Variants in ASTN1 observed in about 807,000 individuals in gnomAD.
The protein encoded by ASTN1 is astrotactin 1.
ASTN1 carries 41 observed loss-of-function variants against 140.7 expected under a neutral mutation model. The observed-to-expected ratio is 0.29, with a 90% CI of 0.23 to 0.38. The LOEUF (loss-of-function observed/expected upper bound fraction) is 0.38. Among genes scored for constraint, ASTN1 ranks in the 10% least tolerant of loss-of-function variants. The pLI is 1.00. For synonymous variants in ASTN1, 640 were observed against 652.2 expected, an observed-to-expected ratio of 0.98 and a Z score of 0.29; for missense variants, 1,479 against 1,678.8, an observed-to-expected ratio of 0.88 and a Z score of 2.08.
chr1:177,079,381 T>C lies in ASTN1; in HGVS notation c.284-18116A>G, dbSNP rs186399501. Among the ~76,000 whole-genome samples the C allele has an allele frequency of 9.5e-4, 144 of 152,298 alleles. 2 individuals are homozygous for C. Among genetic ancestry groups the C allele is most frequent in the Admixed American group, 8.4e-3 (128 of 15,278 alleles). On this transcript the variant is annotated intron_variant, in intron 1 of 22. Transcript: ENST00000361833. ...GGACCAAGCGGGGTCTCTTTCAGCC[T>C]GCACATCCCTTAATTATGAGAGTTA... is the stretch of plus-strand genomic sequence containing the variant.
chr1:176,873,308 AAG>A (rs1668426215), intron 21 of ASTN1, among the ~76,000 whole-genome samples: 1 of 152,200 alleles, frequency 6.6e-6, no homozygotes, highest in Non-Finnish European at 1.5e-5. Flanking sequence ...GAGTCTAGCC[AAG>A]AGGGTTGATC....
Position 176,958,495 on chromosome 1 carries a change from C to G in ASTN1, c.1599-13G>C. On this transcript the variant is annotated splice_polypyrimidine_tract_variant and intron_variant, in intron 9 of 22. Coordinates refer to ENST00000361833, the MANE Select transcript of ASTN1 (RefSeq NM_004319.3). ...AGTGTAGGTGAATCTGCAGGGACAC[C>G]CAGTGCCAGGTGGTCATGACTGGGG... is the stretch of plus-strand genomic sequence containing the variant. The G allele has an allele frequency of 2.5e-6, 4 of 1,603,578 alleles. No individual in the cohort carries two copies. The highest frequency in any genetic ancestry group is 3.4e-6 in the Non-Finnish European group (4 of 1,174,708).
downstream of ASTN1, among the ~76,000 whole-genome samples, chr1:176,859,155 T>C (rs932180207): frequency 6.6e-6 from 1 of 152,158 alleles, no homozygotes; most frequent in African/African-American, 2.4e-5. Context: ...TCTCTTCCAA[T>C]GTTTTTTCCT....
intron 17 of ASTN1, among the ~76,000 whole-genome samples, chr1:176,889,952 G>A (rs1669192589): frequency 6.6e-6 from 1 of 152,170 alleles, no homozygotes; most frequent in African/African-American, 2.4e-5. Context: ...AAATTAAAAG[G>A]TGCATTGCTT....
At chr1:176,873,597 A>C (rs2103016994) in intron 21 of ASTN1, among the ~76,000 whole-genome samples, 1 of 152,322 alleles carries the variant, frequency 6.6e-6, no homozygotes, top group African/African-American at 2.4e-5. Context: ...ATTTATGATC[A>C]CCATCTGGGT....
At chr1:177,072,650 A>G (rs917254985) in intron 1 of ASTN1, among the ~76,000 whole-genome samples, 2 of 152,174 alleles carry the variant, frequency 1.3e-5, no homozygotes, top group African/African-American at 2.4e-5. Flanking sequence ...TGTATTTTCT[A>G]TCTTAATTCT....
rs1235377514 is a variant in ASTN1 at position 176,936,389 on chromosome 1, T to C, written c.2378-19A>G. On this transcript the variant is annotated intron_variant, in intron 14 of 22. Transcript: ENST00000361833. ...ACCATCCCTAAGGACAGAAGAGATG[T>C]AAGCTGAGTTCTGATACTGATTCAT... 6.3e-7 allele frequency: 1 copy of C among 1,591,288 alleles called. No homozygotes were observed. Among genetic ancestry groups the C allele is most frequent in the Non-Finnish European group, 8.6e-7 (1 of 1,163,368 alleles).
chr1:176,881,319 G>A (rs1170057108), intron 20 of ASTN1, among the ~76,000 whole-genome samples: 2 of 152,184 alleles, frequency 1.3e-5, no homozygotes, highest in African/African-American at 4.8e-5. Flanking sequence ...AGTGAGAGAC[G>A]GTATTGGCCT....
chr1:177,015,898 AT>A (rs1675522084), intron 7 of ASTN1, among the ~76,000 whole-genome samples: 1 of 152,216 alleles, frequency 6.6e-6, no homozygotes, highest in South Asian at 2.1e-4. Context: ...AGTTCCTACT[AT>A]TTAAATGTCT....
intron 21 of ASTN1, among the ~76,000 whole-genome samples, chr1:176,873,868 C>T (rs892615940): frequency 2.6e-5 from 4 of 152,162 alleles, no homozygotes; most frequent in African/African-American, 9.7e-5. Context: ...TCTTGATGTA[C>T]TCTGGAGGGC....
chr1:177,064,042 G>T (rs2102039380), intron 1 of ASTN1, among the ~76,000 whole-genome samples: 1 of 152,234 alleles, frequency 6.6e-6, no homozygotes, highest in Non-Finnish European at 1.5e-5. Context: ...AGTAGGTCAG[G>T]CTTATTACCT....
chr1:177,012,723 A>T (rs1675351523), intron 8 of ASTN1, among the ~76,000 whole-genome samples: 2 of 152,188 alleles, frequency 1.3e-5, no homozygotes, highest in Non-Finnish European at 1.5e-5. Flanking sequence ...TATCAAGTGA[A>T]GTCAGGCCCA....
At chr1:177,021,084 G>A (rs939243185) in intron 7 of ASTN1, among the ~76,000 whole-genome samples, 2 of 152,190 alleles carry the variant, frequency 1.3e-5, no homozygotes, top group African/African-American at 2.4e-5. Flanking sequence ...AGGCGATAAA[G>A]TTTCTTACTG....
chr1:177,150,887 C>T (rs1683002639), intron 1 of ASTN1, among the ~76,000 whole-genome samples: 1 of 152,106 alleles, frequency 6.6e-6, no homozygotes, highest in Admixed American at 6.6e-5. Flanking sequence ...GCTTTCCTCC[C>T]AGTATAAGAC....
intron 17 of ASTN1, among the ~76,000 whole-genome samples, chr1:176,891,399 C>T (rs76838661): frequency 0.019 from 2,946 of 152,246 alleles, 75 homozygotes; most frequent in African/African-American, 0.067. Context: ...CAGCCACTTG[C>T]TAGGCACTGG....
chr1:176,907,470 G>A (rs1442317350), intron 16 of ASTN1, among the ~76,000 whole-genome samples: 2 of 152,146 alleles, frequency 1.3e-5, no homozygotes, highest in Admixed American at 1.3e-4. Context: ...ACTGACGTTC[G>A]TCTGAACTGT....
chr1:176,968,962 G>C (rs1484961546), intron 8 of ASTN1, among the ~76,000 whole-genome samples: 1 of 152,148 alleles, frequency 6.6e-6, no homozygotes, highest in African/African-American at 2.4e-5. Flanking sequence ...TGGAGGGTCT[G>C]GCAGGGGAGC....
chr1:176,996,302 C>T (rs545846753), intron 8 of ASTN1, among the ~76,000 whole-genome samples: 1 of 148,252 alleles, frequency 6.7e-6, no homozygotes, highest in East Asian at 2.0e-4. Flanking sequence ...CACACACACA[C>T]ACACACACAG....
At chr1:177,121,696 C>T (rs1007076029) in intron 1 of ASTN1, among the ~76,000 whole-genome samples, 5 of 152,068 alleles carry the variant, frequency 3.3e-5, no homozygotes, top group African/African-American at 1.2e-4. Flanking sequence ...TGTGAGCTCT[C>T]ACATTTCACA....
Sources: allele counts gnomAD v4.1 joint callset (sites outside exome capture counted in the v4.1 genomes callset), GRCh38; gene constraint gnomAD v4.1.1; transcripts MANE v1.5; gene names NCBI Gene and HGNC (gene_info 2026-07-23, HGNC 2026-07-21).